Variants in RNGTT observed in about 807,000 individuals in gnomAD.
The protein encoded by RNGTT is RNA guanylyltransferase and 5'-phosphatase, also known as mRNA-capping enzyme.
RNGTT carries 33 observed loss-of-function variants against 79.3 expected under a neutral mutation model. The observed-to-expected ratio is 0.42, with a 90% CI of 0.32 to 0.56. The LOEUF (loss-of-function observed/expected upper bound fraction) is 0.56. Ranked by LOEUF, RNGTT falls within the 20% of genes least tolerant of loss-of-function variation. The pLI is 0.17. For missense variants in RNGTT, 497 were observed against 739.1 expected, an observed-to-expected ratio of 0.67 and a Z score of 3.80; for synonymous variants, 222 against 235.9, an observed-to-expected ratio of 0.94 and a Z score of 0.54.
intron 13 of RNGTT, among the ~76,000 whole-genome samples, chr6:88,706,703 G>A (rs1398882590): frequency 6.6e-6 from 1 of 152,020 alleles, no homozygotes; most frequent in African/African-American, 2.4e-5. Flanking sequence ...TTAAAATAAA[G>A]TGAAACAACT....
At chr6:88,751,350 T>A (rs1318976100) in intron 13 of RNGTT, among the ~76,000 whole-genome samples, 2 of 152,144 alleles carry the variant, frequency 1.3e-5, no homozygotes, top group Non-Finnish European at 2.9e-5. Context: ...GCTTGACTTA[T>A]AAATATTAGA....
intron 8 of RNGTT, among the ~76,000 whole-genome samples, chr6:88,873,971 T>A (rs1782434711): frequency 6.6e-6 from 1 of 152,128 alleles, no homozygotes; most frequent in Admixed American, 6.5e-5. Context: ...GTAGCACAGA[T>A]CAGGTAATTG....
intron 12 of RNGTT, among the ~76,000 whole-genome samples, chr6:88,796,846 C>T (rs1387587813): frequency 6.6e-6 from 1 of 152,048 alleles, no homozygotes; most frequent in Non-Finnish European, 1.5e-5. Context: ...ATATTGCTAT[C>T]AGTTATAACT....
chr6:88,911,248 C>A (rs1783823038), intron 4 of RNGTT, among the ~76,000 whole-genome samples: 1 of 152,118 alleles, frequency 6.6e-6, no homozygotes, highest in South Asian at 2.1e-4. Context: ...CTTCAGGAAA[C>A]TAACTCATAC....
At chr6:88,779,312 T>C (rs545038635) in intron 12 of RNGTT, among the ~76,000 whole-genome samples, 165 of 152,340 alleles carry the variant, frequency 1.1e-3, no homozygotes, top group African/African-American at 3.7e-3. Context: ...CGTTTCCTAC[T>C]TGTTTATAGT....
At chr6:88,709,432 AC>A (rs1232823915) in intron 13 of RNGTT, among the ~76,000 whole-genome samples, 1 of 152,156 alleles carries the variant, frequency 6.6e-6, no homozygotes, top group Admixed American at 6.5e-5. Flanking sequence ...CAACATCTGA[AC>A]TCCTTTTAGA....
Position 88,941,643 on chromosome 6 carries a change from T to C in RNGTT, c.65-463A>G, listed in dbSNP as rs1582157553. ...AAGTACTCTCAATTTAAACTATACT[T>C]TTCAAAGATACTACCCTACATCTTT... On this transcript the variant is annotated intron_variant, in intron 1 of 15. Coordinates refer to ENST00000369485, the MANE Select transcript of RNGTT (RefSeq NM_003800.5). 2.0e-5 allele frequency among the ~76,000 whole-genome samples: 3 copies of C among 152,002 alleles called. No individual in the cohort carries two copies. The East Asian group carries it at 5.8e-4, about 29-fold the overall frequency.
intron 14 of RNGTT, among the ~76,000 whole-genome samples, chr6:88,629,498 A>T (rs1054272645): frequency 3.3e-5 from 5 of 152,156 alleles, no homozygotes; most frequent in Non-Finnish European, 5.9e-5. Flanking sequence ...ATCACATTAA[A>T]TTTCTCATTT....
intron 14 of RNGTT, among the ~76,000 whole-genome samples, chr6:88,648,471 T>TATA (rs200062814): frequency 0.015 from 2,165 of 147,052 alleles, 32 homozygotes; most frequent in Non-Finnish European, 0.016. Context: ...CTTAAAGTAT[T>TATA]ATAATAATAA....
At chr6:88,943,505 G>GTGGGTA (rs761297899) in intron 1 of RNGTT, among the ~76,000 whole-genome samples, 1 of 151,834 alleles carries the variant, frequency 6.6e-6, no homozygotes, top group Non-Finnish European at 1.5e-5. Context: ...CAGATATATA[G>GTGGGTA]TGGGTATGTA....
At chr6:88,866,133 G>T (rs1249958345) in intron 8 of RNGTT, among the ~76,000 whole-genome samples, 2 of 152,096 alleles carry the variant, frequency 1.3e-5, no homozygotes, top group African/African-American at 2.4e-5. Flanking sequence ...TGTCAAGTTA[G>T]GACTAAATTC....
intron 13 of RNGTT, among the ~76,000 whole-genome samples, chr6:88,707,882 T>C (rs1211755864): frequency 6.6e-6 from 1 of 152,010 alleles, no homozygotes; most frequent in Non-Finnish European, 1.5e-5. Flanking sequence ...CCTTCTAGGA[T>C]GTAGATACTA....
intron 13 of RNGTT, among the ~76,000 whole-genome samples, chr6:88,684,719 T>C (rs1446602013): frequency 1.3e-5 from 2 of 152,148 alleles, no homozygotes; most frequent in Non-Finnish European, 2.9e-5. Context: ...GCTAGATATA[T>C]GTCATTATAC....
chr6:88,923,808 A>G (rs892543480), intron 4 of RNGTT, among the ~76,000 whole-genome samples: 1 of 152,022 alleles, frequency 6.6e-6, no homozygotes, highest in East Asian at 1.9e-4. Context: ...CTCCAACTTA[A>G]TAAGTTGATT....
chr6:88,623,638 T>C (rs1237306213), intron 14 of RNGTT, among the ~76,000 whole-genome samples: 1 of 152,100 alleles, frequency 6.6e-6, no homozygotes, highest in Non-Finnish European at 1.5e-5. Context: ...GCTTCCAAAC[T>C]GGTCTCTTTT....
chr6:88,684,279 G>C (rs1775196837), intron 13 of RNGTT, among the ~76,000 whole-genome samples: 1 of 152,148 alleles, frequency 6.6e-6, no homozygotes, highest in Non-Finnish European at 1.5e-5. Flanking sequence ...GAGCATTGCT[G>C]GTGGGAATGC....
intron 13 of RNGTT, among the ~76,000 whole-genome samples, chr6:88,759,861 C>T (rs1778149700): frequency 9.5e-6 from 1 of 105,372 alleles, no homozygotes; most frequent in Admixed American, 8.7e-5. Context: ...CTTCATTTTC[C>T]CCCCCACCAA....
intron 4 of RNGTT, among the ~76,000 whole-genome samples, chr6:88,923,724 C>T (rs1784232762): frequency 6.6e-6 from 1 of 152,172 alleles, no homozygotes; most frequent in Non-Finnish European, 1.5e-5. Context: ...CTTACGATCC[C>T]TTTTCCTCAT....
At chr6:88,689,781 T>G (rs1389689654) in intron 13 of RNGTT, among the ~76,000 whole-genome samples, 2 of 149,846 alleles carry the variant, frequency 1.3e-5, no homozygotes, top group Non-Finnish European at 3.0e-5. Flanking sequence ...GCAAAAAACA[T>G]CAAAAGGTAT....
Sources: allele counts gnomAD v4.1 joint callset (sites outside exome capture counted in the v4.1 genomes callset), GRCh38; gene constraint gnomAD v4.1.1; transcripts MANE v1.5; gene names NCBI Gene and HGNC (gene_info 2026-07-23, HGNC 2026-07-21).